Variants in CIROZ observed in about 807,000 individuals in gnomAD.
CIROZ encodes ciliated left-right organizer protein containing ZP-N domains.
chr1:10,968,180 T>A, the CIROZ span, among the ~76,000 whole-genome samples: 3 of 152,188 alleles, frequency 2.0e-5, no homozygotes, highest in African/African-American at 7.2e-5. Flanking sequence ...AAATAAGTAG[T>A]TGTTGAATGA....
the CIROZ span, among the ~76,000 whole-genome samples, chr1:10,951,742 A>AT: frequency 3.0e-3 from 419 of 137,480 alleles, 1 homozygote; most frequent in African/African-American, 0.01. Flanking sequence ...AAAAAAAAAA[A>AT]AAAATATATA....
the CIROZ span, chr1:10,954,992 G>A: frequency 6.2e-7 from 1 of 1,601,566 alleles, no homozygotes; most frequent in South Asian, 1.1e-5. Flanking sequence ...ATACTCACCT[G>A]GACCTGGAGC....
the CIROZ span, among the ~76,000 whole-genome samples, chr1:10,974,088 TG>T: frequency 6.6e-6 from 1 of 151,780 alleles, no homozygotes; most frequent in African/African-American, 2.4e-5. This position sits in a 1 kb window ranked among gnomAD's most constrained non-coding sequence, Gnocchi z 4.4. Flanking sequence ...AGTGGGAGGC[TG>T]ATTGATTCCT....
the CIROZ span, among the ~76,000 whole-genome samples, chr1:10,960,807 A>T: frequency 6.6e-6 from 1 of 152,196 alleles, no homozygotes; most frequent in Non-Finnish European, 1.5e-5. The surrounding 1 kb of genome is among the most constrained non-coding windows in gnomAD (Gnocchi z 4.6). Context: ...AAACGGCTTT[A>T]ATTAAAACTT....
chr1:10,954,567 C>T, the CIROZ span, among the ~76,000 whole-genome samples: 2 of 152,268 alleles, frequency 1.3e-5, no homozygotes, highest in Middle Eastern at 3.4e-3. Flanking sequence ...GGTAAAAGCA[C>T]GGGCCTGAGG....
At chr1:10,968,845 T>C in the CIROZ span, among the ~76,000 whole-genome samples, 2 of 152,248 alleles carry the variant, frequency 1.3e-5, no homozygotes, top group African/African-American at 4.8e-5. Flanking sequence ...AACTTCTTTA[T>C]AATAACACAC....
chr1:10,960,750 A>G, the CIROZ span, among the ~76,000 whole-genome samples: 3 of 152,210 alleles, frequency 2.0e-5, no homozygotes, highest in Non-Finnish European at 2.9e-5. This position sits in a 1 kb window ranked among gnomAD's most constrained non-coding sequence, Gnocchi z 4.6. Context: ...TTAAATATCT[A>G]TGTGCCCTGT....
chr1:10,948,889 G>A, the CIROZ span: 1 of 1,457,424 alleles, frequency 6.9e-7, no homozygotes, highest in Non-Finnish European at 9.1e-7. Context: ...TTAGAAACAA[G>A]AACACATGGG....
chr1:10,948,122 A>G, the CIROZ span: 2 of 1,613,420 alleles, frequency 1.2e-6, no homozygotes, highest in Non-Finnish European at 1.7e-6. Flanking sequence ...GCTGCCTCAC[A>G]CTTGGGGTGG....
At chr1:10,949,313 T>C in the CIROZ span, 6 of 410,476 alleles carry the variant, frequency 1.5e-5, no homozygotes, top group Non-Finnish European at 2.7e-5. Flanking sequence ...CCTCCATTTG[T>C]GTGCATAGCT....
the CIROZ span, among the ~76,000 whole-genome samples, chr1:10,970,951 C>T: frequency 5.2e-4 from 77 of 148,594 alleles, no homozygotes; most frequent in African/African-American, 1.9e-3. Flanking sequence ...TCGAGACCAG[C>T]CTGGGCCAAA....
the CIROZ span, chr1:10,982,032 C>G: frequency 2.6e-6 from 4 of 1,537,230 alleles, no homozygotes; most frequent in Non-Finnish European, 3.5e-6. Context: ...CTGGGGACCC[C>G]CACATCCTCA....
the CIROZ span, among the ~76,000 whole-genome samples, chr1:10,955,700 CA>C: frequency 6.6e-6 from 1 of 151,966 alleles, no homozygotes; most frequent in African/African-American, 2.4e-5. Flanking sequence ...AAAAATTAGC[CA>C]GGCGTGGTGG....
At chr1:10,965,779 C>A in the CIROZ span, among the ~76,000 whole-genome samples, 3 of 149,648 alleles carry the variant, frequency 2.0e-5, no homozygotes, top group African/African-American at 7.4e-5. Flanking sequence ...GCCGAGATTG[C>A]GTCACTGCAC....
chr1:10,966,529 G>A, the CIROZ span: 2 of 1,479,280 alleles, frequency 1.4e-6, no homozygotes, highest in East Asian at 2.5e-5. Context: ...TGTGGAGGTG[G>A]CTTCTCTGGC....
chr1:10,974,150 G>A, the CIROZ span, among the ~76,000 whole-genome samples: 17 of 152,114 alleles, frequency 1.1e-4, no homozygotes, highest in Non-Finnish European at 1.9e-4. The surrounding 1 kb of genome is among the most constrained non-coding windows in gnomAD (Gnocchi z 4.4). Flanking sequence ...GGCCAGGGAG[G>A]GCCAGGGCTG....
At chr1:10,957,666 T>G in the CIROZ span, 6 of 1,614,002 alleles carry the variant, frequency 3.7e-6, no homozygotes, top group East Asian at 1.1e-4. Context: ...GTGACAGTGG[T>G]GGCATTCATG....
chr1:10,964,299 C>T, the CIROZ span: 1 of 1,581,266 alleles, frequency 6.3e-7, no homozygotes, highest in South Asian at 1.1e-5. Flanking sequence ...TTCATGTATG[C>T]AAATGAGAGA....
chr1:10,954,671 A>G, the CIROZ span, among the ~76,000 whole-genome samples: 1 of 151,994 alleles, frequency 6.6e-6, no homozygotes, highest in African/African-American at 2.4e-5. Context: ...ACAGGGTCTC[A>G]CTCCCATTGC....
Sources: gnomAD v4.1 joint callset for allele counts (sites outside exome capture counted in the v4.1 genomes callset) on GRCh38, gnomAD v4.1.1 for gene constraint, Gnocchi (gnomAD v3.1) non-coding constraint, MANE v1.5 for transcripts, NCBI Gene and HGNC (gene_info 2026-07-23, HGNC 2026-07-21) for gene names.